SNTG1: variants seen among roughly 807,000 people sequenced by gnomAD.
SNTG1 encodes the protein gamma-1-syntrophin.
In SNTG1, 39 loss-of-function variants were observed where a neutral mutation model predicts 74.7. The observed-to-expected ratio is 0.52, with a 90% CI of 0.40 to 0.68. SNTG1 has a LOEUF of 0.68. SNTG1 is among the 30% of genes least tolerant of loss of function. The pLI is 0.00. For synonymous variants in SNTG1, 254 were observed against 217.1 expected, an observed-to-expected ratio of 1.17 and a Z score of -1.49; for missense variants, 685 against 609.5, an observed-to-expected ratio of 1.12 and a Z score of -1.30.
intron 13 of SNTG1, among the ~76,000 whole-genome samples, chr8:50,592,491 A>C (rs78565932): frequency 0.032 from 4,920 of 152,266 alleles, 129 homozygotes; most frequent in African/African-American, 0.06. Flanking sequence ...TCATGTAGTC[A>C]GCTTGCTGAC....
chr8:50,411,539 C>T (rs2092949302), intron 4 of SNTG1, among the ~76,000 whole-genome samples: 1 of 151,500 alleles, frequency 6.6e-6, no homozygotes, highest in South Asian at 2.1e-4. Flanking sequence ...TAGAAAAATA[C>T]TTGCAGATGG....
intron 2 of SNTG1, among the ~76,000 whole-genome samples, chr8:50,246,514 T>C (rs1442000495): frequency 1.3e-5 from 2 of 151,998 alleles, no homozygotes; most frequent in Non-Finnish European, 2.9e-5. Context: ...CTTTTTTTTT[T>C]TTTTTGCTTA....
intron 12 of SNTG1, among the ~76,000 whole-genome samples, chr8:50,588,200 A>G (rs1340838513): frequency 6.6e-6 from 1 of 152,190 alleles, no homozygotes; most frequent in Non-Finnish European, 1.5e-5. Context: ...ATGTTAGTAT[A>G]AGTACTAACA....
rs369598296 is a variant in SNTG1 at position 50,062,598 on chromosome 8, A to C, written c.-102-109963A>C. Among the ~76,000 whole-genome samples the C allele has an allele frequency of 7.2e-5, 11 of 152,216 alleles. No individual in the cohort carries two copies. In the East Asian group the frequency reaches 1.5e-3, roughly 21 times the overall value. On this transcript the variant is annotated intron_variant, in intron 1 of 18. Coordinates refer to ENST00000642720, the MANE Select transcript of SNTG1 (RefSeq NM_018967.5). ...ATATTTTATTAATGTTCACAAGCTAAATATTTTTTATTTTTTTTACTCACA... is the reference window on the plus strand; with the variant it reads ...ATATTTTATTAATGTTCACAAGCTACATATTTTTTATTTTTTTTACTCACA...
intron 13 of SNTG1, among the ~76,000 whole-genome samples, chr8:50,647,003 C>A (rs2095113202): frequency 6.6e-6 from 1 of 151,954 alleles, no homozygotes; most frequent in Non-Finnish European, 1.5e-5. Flanking sequence ...ACTGGACATC[C>A]ACATGAGGAA....
At chr8:50,195,525 C>A (rs1181120102) in intron 2 of SNTG1, among the ~76,000 whole-genome samples, 1 of 152,160 alleles carries the variant, frequency 6.6e-6, no homozygotes, top group African/African-American at 2.4e-5. Context: ...TGGAGTTATA[C>A]CTCCTGCTCC....
At position 50,328,240 on chromosome 8, in the gene SNTG1, C is replaced by G. The variant is rs550806362; in HGVS notation, c.-27-65972C>G. ...GGCTATTGGCAACAAATTCTCTGAA[C>G]TTTTGTTAGACTGAGAAAATTTTAG... On this transcript the variant is annotated intron_variant, in intron 2 of 18. Coordinates refer to ENST00000642720, the MANE Select transcript of SNTG1 (RefSeq NM_018967.5). Among the ~76,000 whole-genome samples the G allele has an allele frequency of 2.6e-5, 4 of 152,294 alleles. No homozygotes were observed. In the East Asian group the frequency reaches 7.7e-4, roughly 29 times the overall value.
At chr8:50,670,480 T>C (rs2095275132) in intron 15 of SNTG1, among the ~76,000 whole-genome samples, 1 of 151,336 alleles carries the variant, frequency 6.6e-6, no homozygotes, top group Admixed American at 6.6e-5. Flanking sequence ...GAATCCAACT[T>C]ACAAGGGATG....
chr8:50,240,921 T>C (rs1418063118), intron 2 of SNTG1, among the ~76,000 whole-genome samples: 1 of 152,226 alleles, frequency 6.6e-6, no homozygotes, highest in Non-Finnish European at 1.5e-5. Context: ...TATATTTTTC[T>C]GGATTTTTTT....
Position 50,536,718 on chromosome 8 carries a change from T to C in SNTG1, c.590T>C (p.Leu197Ser). ...TCGTCGTGGCCGACGTCTCCAGGCT[T>C]GAGGTGGGAGAAGCGATGGTGCGAC... ...SCSSWPTSPGLRWEKRWCDLR... is the reference protein window; with the variant it reads ...SCSSWPTSPGSRWEKRWCDLR... The change falls in exon 11 of 19, where the codon TTG (leucine) becomes TCG (serine). Residue 197 changes from leucine to serine, a missense_variant. Physicochemically the swap from Leu to Ser is moderately radical, Grantham distance 145 (BLOSUM62 -2). Coordinates refer to ENST00000642720, the MANE Select transcript of SNTG1 (RefSeq NM_018967.5). 1 of 1,613,966 alleles carries C rather than the reference T, an allele frequency of 6.2e-7. No individual in the cohort carries two copies. Among genetic ancestry groups the C allele is most frequent in the Non-Finnish European group, 8.5e-7 (1 of 1,179,864 alleles).
intron 2 of SNTG1, among the ~76,000 whole-genome samples, chr8:50,250,269 A>T (rs2086589567): frequency 6.6e-6 from 1 of 152,084 alleles, no homozygotes; most frequent in African/African-American, 2.4e-5. Context: ...TATCAGAAAA[A>T]AATTTAAAAA....
In SNTG1 at chr8:50,215,298, G is replaced by T. The variant is rs1324756735; in HGVS notation, c.-28+42663G>T. Among the ~76,000 whole-genome samples, 3 of 151,316 alleles carry T rather than the reference G, an allele frequency of 2.0e-5. No homozygotes were observed. The Admixed American group carries it at 2.0e-4, about 10-fold the overall frequency. On this transcript the variant is annotated intron_variant, in intron 2 of 18. Coordinates refer to ENST00000642720, the MANE Select transcript of SNTG1 (RefSeq NM_018967.5). ...TTAAAATATCCATCTGGGAAAAGTT[G>T]TATGAGGAAGAACAAGACATTTTAA...
chr8:50,617,769 G>A (rs111247230), intron 13 of SNTG1, among the ~76,000 whole-genome samples: 4,886 of 152,224 alleles, frequency 0.032, 125 homozygotes, highest in African/African-American at 0.058. Flanking sequence ...TAATTAGATC[G>A]GAACAAAACA....
chr8:49,989,316 G>C (rs1245592831), intron 1 of SNTG1, among the ~76,000 whole-genome samples: 1 of 151,682 alleles, frequency 6.6e-6, no homozygotes, highest in Middle Eastern at 3.4e-3. Flanking sequence ...TAGTACCCTG[G>C]AAAACTGTAT....
intron 2 of SNTG1, among the ~76,000 whole-genome samples, chr8:50,389,014 C>T (rs1018290784): frequency 6.6e-6 from 1 of 152,056 alleles, no homozygotes; most frequent in Non-Finnish European, 1.5e-5. Flanking sequence ...AAGTTTGGCT[C>T]TGTGTGTGTC....
intron 4 of SNTG1, among the ~76,000 whole-genome samples, chr8:50,419,769 A>G (rs1237982382): frequency 6.6e-6 from 1 of 152,216 alleles, no homozygotes; most frequent in African/African-American, 2.4e-5. Flanking sequence ...TTAAAATAGC[A>G]GTCATAAAAT....
intron 1 of SNTG1, among the ~76,000 whole-genome samples, chr8:50,093,889 T>C (rs2079834532): frequency 6.6e-6 from 1 of 152,048 alleles, no homozygotes; most frequent in African/African-American, 2.4e-5. Flanking sequence ...GTGAAAGAAA[T>C]AGCAGATTCA....
intron 2 of SNTG1, among the ~76,000 whole-genome samples, chr8:50,196,890 G>GA (rs2083792489): frequency 6.6e-6 from 1 of 152,048 alleles, no homozygotes; most frequent in Non-Finnish European, 1.5e-5. Flanking sequence ...GCTGAGGCAG[G>GA]AAAATCACTT....
chr8:50,302,731 A>C (rs890578521), intron 2 of SNTG1, among the ~76,000 whole-genome samples: 3 of 150,940 alleles, frequency 2.0e-5, no homozygotes, highest in African/African-American at 7.3e-5. Context: ...GATGCCTTTC[A>C]GCATGTTATA....
Sources: allele counts gnomAD v4.1 joint callset (sites outside exome capture counted in the v4.1 genomes callset), GRCh38; gene constraint gnomAD v4.1.1; transcripts MANE v1.5; gene names NCBI Gene and HGNC (gene_info 2026-07-23, HGNC 2026-07-21).